The following NKAIN3 variants were observed in gnomAD, a reference collection of about 807,000 sequenced individuals.
NKAIN3 encodes sodium/potassium-transporting ATPase subunit beta-1-interacting protein 3.
A neutral mutation model predicts 30.2 loss-of-function variants in NKAIN3; 25 were observed. That is an observed-to-expected ratio of 0.83 (90% CI 0.60 to 1.16). The LOEUF (loss-of-function observed/expected upper bound fraction) is 1.16. Ranked by LOEUF, NKAIN3 falls within the 50% of genes most tolerant of loss-of-function variation. The pLI, the probability that NKAIN3 is intolerant of heterozygous loss-of-function variation, is 0.00. For missense variants in NKAIN3, 225 were observed against 254.1 expected, an observed-to-expected ratio of 0.89 and a Z score of 0.78; for synonymous variants, 91 against 89.6, an observed-to-expected ratio of 1.02 and a Z score of -0.09.
intron 3 of NKAIN3, among the ~76,000 whole-genome samples, chr8:62,730,453 TTTC>T (rs1310837772): frequency 6.6e-6 from 1 of 152,102 alleles, no homozygotes; most frequent in African/African-American, 2.4e-5. Flanking sequence ...AATTTCAGCC[TTTC>T]TTCTTTTCTA....
intron 4 of NKAIN3, among the ~76,000 whole-genome samples, chr8:62,878,166 TA>T (rs1446441554): frequency 1.3e-5 from 2 of 152,186 alleles, no homozygotes; most frequent in Admixed American, 1.3e-4. Context: ...TTTAGAATAC[TA>T]AGAGGAATTT....
At chr8:62,845,313 A>ATATATATATATG in intron 4 of NKAIN3, among the ~76,000 whole-genome samples, 1 of 138,586 alleles carries the variant, frequency 7.2e-6, no homozygotes, top group South Asian at 2.3e-4. Context: ...ATATATATAT[A>ATATATATATATG]GTACCTAATA....
intron 3 of NKAIN3, among the ~76,000 whole-genome samples, chr8:62,620,640 AAAAG>A (rs1226211709): frequency 2.6e-5 from 4 of 152,158 alleles, no homozygotes; most frequent in Non-Finnish European, 5.9e-5. Context: ...ATCTAACACA[AAAAG>A]AAAGGTAGTT....
intron 5 of NKAIN3, among the ~76,000 whole-genome samples, chr8:62,992,478 A>G (rs1156290837): frequency 6.6e-6 from 1 of 151,980 alleles, no homozygotes; most frequent in Non-Finnish European, 1.5e-5. Flanking sequence ...TCTTGCCTTT[A>G]TATAAAGAGA....
At chr8:62,743,602 A>C (rs1406906844) in intron 3 of NKAIN3, among the ~76,000 whole-genome samples, 1 of 152,330 alleles carries the variant, frequency 6.6e-6, no homozygotes, top group Admixed American at 6.5e-5. Context: ...AGACTCAGGC[A>C]TGGTGGCTCA....
chr8:62,503,325 G>A (rs1807521074), intron 1 of NKAIN3, among the ~76,000 whole-genome samples: 2 of 152,194 alleles, frequency 1.3e-5, no homozygotes, highest in African/African-American at 4.8e-5. Flanking sequence ...TGAACAGGGA[G>A]TAGGTCACAT....
At chr8:62,614,187 A>G (rs967271056) in intron 3 of NKAIN3, among the ~76,000 whole-genome samples, 1 of 152,142 alleles carries the variant, frequency 6.6e-6, no homozygotes, top group Non-Finnish European at 1.5e-5. Flanking sequence ...GATATTTGAA[A>G]GGACTTGGGT....
chr8:62,376,627 G>T (rs991168034), intron 1 of NKAIN3, among the ~76,000 whole-genome samples: 1 of 152,150 alleles, frequency 6.6e-6, no homozygotes, highest in Non-Finnish European at 1.5e-5. Flanking sequence ...TCTAGGTACT[G>T]ATCTCAGTTC....
intron 1 of NKAIN3, among the ~76,000 whole-genome samples, chr8:62,321,039 T>A (rs1814874105): frequency 6.6e-6 from 1 of 152,194 alleles, no homozygotes; most frequent in Admixed American, 6.5e-5. Flanking sequence ...TTTCTTTTTA[T>A]TCTTTTTTCT....
At chr8:62,869,599 C>G (rs1213595408) in intron 4 of NKAIN3, among the ~76,000 whole-genome samples, 1 of 152,168 alleles carries the variant, frequency 6.6e-6, no homozygotes, top group Non-Finnish European at 1.5e-5. Flanking sequence ...CAAATCGGCT[C>G]TCAGTGCGGC....
chr8:62,402,921 G>C (rs937878679), intron 1 of NKAIN3, among the ~76,000 whole-genome samples: 22 of 152,182 alleles, frequency 1.4e-4, no homozygotes, highest in Admixed American at 1.2e-3. Flanking sequence ...ATGTGGGAAA[G>C]TTGGGAACTT....
intron 3 of NKAIN3, among the ~76,000 whole-genome samples, chr8:62,735,445 C>G (rs917108214): frequency 2.0e-5 from 3 of 149,974 alleles, no homozygotes; most frequent in African/African-American, 7.4e-5. Flanking sequence ...CTGAGACTCT[C>G]CAGTGCATTT....
chr8:62,412,871 C>T (rs1412778394), intron 1 of NKAIN3, among the ~76,000 whole-genome samples: 4 of 144,288 alleles, frequency 2.8e-5, no homozygotes. Flanking sequence ...GAGATCGCAC[C>T]ACTGCACTGC....
chr8:62,336,822 C>T (rs544880165), intron 1 of NKAIN3, among the ~76,000 whole-genome samples: 1 of 152,072 alleles, frequency 6.6e-6, no homozygotes, highest in South Asian at 2.1e-4. Flanking sequence ...GGATGGTCCA[C>T]AACCGAAGTC....
At position 62,652,441 on chromosome 8, in the gene NKAIN3, G is replaced by A. The variant is rs1812651043; in HGVS notation, c.273+62647G>A. Among the ~76,000 whole-genome samples the A allele has an allele frequency of 2.0e-5, 3 of 152,126 alleles. No homozygotes were observed. In the South Asian group the frequency reaches 6.2e-4, roughly 32 times the overall value. On this transcript the variant is annotated intron_variant, in intron 3 of 6. Transcript: ENST00000623646. ...TTGGCTGAAGCACTGCCAGACATAG[G>A]TGCGATTAATCATTTGTTCTCACAA... is the stretch of plus-strand genomic sequence containing the variant.
At chr8:62,865,988 A>AT (rs1459288198) in intron 4 of NKAIN3, among the ~76,000 whole-genome samples, 1 of 152,182 alleles carries the variant, frequency 6.6e-6, no homozygotes, top group Non-Finnish European at 1.5e-5. Context: ...GGGTTGTAAG[A>AT]TATCATTCTC....
At chr8:62,513,916 G>A (rs185811026) in intron 1 of NKAIN3, among the ~76,000 whole-genome samples, 1 of 150,648 alleles carries the variant, frequency 6.6e-6, no homozygotes, top group Admixed American at 6.6e-5. Context: ...ATCCGGTGGA[G>A]GAAGGAGATG....
intron 1 of NKAIN3, among the ~76,000 whole-genome samples, chr8:62,428,767 C>T (rs1804898437): frequency 6.6e-6 from 1 of 151,828 alleles, no homozygotes; most frequent in African/African-American, 2.4e-5. Context: ...ATCTTCACCT[C>T]TTCTGTGGGT....
intron 1 of NKAIN3, among the ~76,000 whole-genome samples, chr8:62,285,039 AAT>A (rs1185351385): frequency 6.6e-6 from 1 of 152,150 alleles, no homozygotes; most frequent in Non-Finnish European, 1.5e-5. Context: ...TTTCATCTCA[AAT>A]ATATTGCTAT....
Sources: gnomAD v4.1 joint callset for allele counts (sites outside exome capture counted in the v4.1 genomes callset) on GRCh38, gnomAD v4.1.1 for gene constraint, MANE v1.5 for transcripts, NCBI Gene and HGNC (gene_info 2026-07-23, HGNC 2026-07-21) for gene names.